The following MAGI2 variants were observed in gnomAD, a reference collection of about 807,000 sequenced individuals.
The protein encoded by MAGI2 is membrane associated guanylate kinase, WW and PDZ domain containing 2.
MAGI2 carries 35 observed loss-of-function variants against 133.3 expected under a neutral mutation model. The ratio of observed to expected loss-of-function variants is 0.26; its 90% CI spans 0.20 to 0.35. The LOEUF is 0.35. MAGI2 is among the 10% of genes least tolerant of loss of function. MAGI2 has a pLI of 1.00. For synonymous variants in MAGI2, 729 were observed against 710.6 expected (o/e 1.03, Z -0.41); for missense variants, 1,636 against 1,863.4 (o/e 0.88, Z 2.25).
At chr7:78,036,504 A>G (rs1359097693) in intron 21 of MAGI2, among the ~76,000 whole-genome samples, 1 of 152,238 alleles carries the variant, frequency 6.6e-6, no homozygotes, top group East Asian at 1.9e-4. Context: ...AAGTTTCATA[A>G]CAAACCTAAG....
At position 78,396,526 on chromosome 7, in the gene MAGI2, C is replaced by T. The variant is rs1796360354; in HGVS notation, c.1046-27313G>A. ...CAAATCTCCTTTCACATATCACATG[C>T]TTACCTTGCCTTCACCATGCTATCT... is the stretch of plus-strand genomic sequence containing the variant. On this transcript the variant is annotated intron_variant, in intron 6 of 21. Transcript: ENST00000354212. Among the ~76,000 whole-genome samples, 3 of 152,206 alleles carry T rather than the reference C, an allele frequency of 2.0e-5. No individual in the cohort carries two copies. In the South Asian group the frequency reaches 6.2e-4, roughly 32 times the overall value.
intron 3 of MAGI2, among the ~76,000 whole-genome samples, chr7:78,534,290 A>G (rs1797704538): frequency 6.6e-6 from 1 of 152,254 alleles, no homozygotes; most frequent in Non-Finnish European, 1.5e-5. Flanking sequence ...TTGAATACCC[A>G]GCCTTTCTCC....
chr7:79,038,995 C>T (rs909176191), intron 1 of MAGI2, among the ~76,000 whole-genome samples: 2 of 152,148 alleles, frequency 1.3e-5, no homozygotes, highest in African/African-American at 4.8e-5. Context: ...ACATAAATTG[C>T]TTTTCAATAT....
chr7:79,129,665 A>G (rs780761375), intron 1 of MAGI2, among the ~76,000 whole-genome samples: 4 of 151,012 alleles, frequency 2.6e-5, no homozygotes, highest in Non-Finnish European at 5.9e-5. Context: ...CGATGCTTGC[A>G]GAAAATAAGT....
chr7:78,170,562 T>G (rs927842291), intron 14 of MAGI2: 8 of 152,298 alleles, frequency 5.3e-5, no homozygotes, highest in African/African-American at 1.9e-4. Flanking sequence ...TCCATTCTAG[T>G]GGTCAGACAA....
intron 6 of MAGI2, among the ~76,000 whole-genome samples, chr7:78,410,459 T>C (rs1337068592): frequency 6.6e-6 from 1 of 152,038 alleles, no homozygotes; most frequent in Non-Finnish European, 1.5e-5. Flanking sequence ...TCAATCATCT[T>C]TGTTTCCATG....
At chr7:78,281,942 A>G (rs981230648) in intron 9 of MAGI2, among the ~76,000 whole-genome samples, 3 of 151,542 alleles carry the variant, frequency 2.0e-5, no homozygotes, top group Non-Finnish European at 4.4e-5. Flanking sequence ...TCTCCCATTC[A>G]CTTTCATTTC....
intron 1 of MAGI2, among the ~76,000 whole-genome samples, chr7:79,146,691 T>C (rs1407120907): frequency 6.6e-6 from 1 of 152,196 alleles, no homozygotes; most frequent in African/African-American, 2.4e-5. Flanking sequence ...GTGACTTTGC[T>C]CCTCATTCAC....
intron 1 of MAGI2, among the ~76,000 whole-genome samples, chr7:79,071,030 G>A (rs1026360706): frequency 1.3e-5 from 2 of 152,114 alleles, no homozygotes; most frequent in Non-Finnish European, 2.9e-5. Flanking sequence ...AGGCGTTCTG[G>A]TTTTTGGAGT....
At chr7:78,962,837 A>AGC (rs1802963003) in intron 2 of MAGI2, among the ~76,000 whole-genome samples, 1 of 67,812 alleles carries the variant, frequency 1.5e-5, no homozygotes, top group Non-Finnish European at 2.9e-5. Context: ...TATCAAATTA[A>AGC]ACTCTTTTAA....
At chr7:78,578,526 G>C (rs1802504010) in intron 3 of MAGI2, among the ~76,000 whole-genome samples, 1 of 152,140 alleles carries the variant, frequency 6.6e-6, no homozygotes, top group South Asian at 2.1e-4. Context: ...AGGAAGAACT[G>C]AGGAGTGAGA....
intron 1 of MAGI2, among the ~76,000 whole-genome samples, chr7:79,345,706 CTT>C (rs941062620): frequency 2.0e-5 from 3 of 151,094 alleles, no homozygotes; most frequent in Admixed American, 6.6e-5. Context: ...TTAAAATAAA[CTT>C]TGTTAAAAAT....
intron 21 of MAGI2, among the ~76,000 whole-genome samples, chr7:78,072,094 A>G (rs1309520967): frequency 6.6e-6 from 1 of 152,176 alleles, no homozygotes; most frequent in Non-Finnish European, 1.5e-5. Flanking sequence ...GGAAGAGTGA[A>G]TTTGATAGAT....
In MAGI2 at chr7:78,627,250, A is replaced by T. The variant is rs1177880571; in HGVS notation, c.419-11T>A. 6.6e-7 allele frequency: 1 copy of T among 1,525,066 alleles called. No homozygotes were observed. Among genetic ancestry groups the T allele is most frequent in the Admixed American group, 2.3e-5 (1 of 44,232 alleles). 94.5% of individuals were successfully genotyped at this position (1,525,066 alleles called of 1,614,324 possible). A position where few individuals can be genotyped will look rare whatever the true frequency, so the allele number is the denominator to read the frequency against. On this transcript the variant is annotated splice_polypyrimidine_tract_variant and intron_variant, in intron 2 of 21. Coordinates refer to ENST00000354212, the MANE Select transcript of MAGI2 (RefSeq NM_012301.4). ...GTGGCCTTGTGGTGCCTGAATAAAG[A>T]AAAGTAAAAACAAAAGAAAGACGCT...
intron 2 of MAGI2, among the ~76,000 whole-genome samples, chr7:78,984,040 G>A (rs1562750618): frequency 6.6e-6 from 1 of 151,938 alleles, no homozygotes; most frequent in Non-Finnish European, 1.5e-5. Context: ...TGTTTCTCTT[G>A]TAGACTTTGC....
At chr7:78,637,767 A>G (rs372400803) in intron 2 of MAGI2, among the ~76,000 whole-genome samples, 1 of 152,288 alleles carries the variant, frequency 6.6e-6, no homozygotes, top group Non-Finnish European at 1.5e-5. Flanking sequence ...TGGTGTAAAC[A>G]CTAGAGTAAA....
At chr7:79,315,563 G>C (rs574379799) in intron 1 of MAGI2, among the ~76,000 whole-genome samples, 1 of 151,930 alleles carries the variant, frequency 6.6e-6, no homozygotes, top group Admixed American at 6.6e-5. Context: ...GTAAAATTTG[G>C]ATGCATGTTT....
At chr7:78,108,622 T>TTC (rs879731462) in intron 20 of MAGI2, among the ~76,000 whole-genome samples, 58 of 136,752 alleles carry the variant, frequency 4.2e-4, no homozygotes, top group African/African-American at 1.2e-3. Flanking sequence ...CTCTCTCTCA[T>TTC]TCTCTCTCTC....
chr7:78,416,754 G>T (rs1341159617), intron 6 of MAGI2, among the ~76,000 whole-genome samples: 7 of 152,070 alleles, frequency 4.6e-5, no homozygotes, highest in Non-Finnish European at 1.0e-4. Context: ...TATAAAAGAG[G>T]CTTTGTAGAG....
Sources: allele counts gnomAD v4.1 joint callset (sites outside exome capture counted in the v4.1 genomes callset), GRCh38; gene constraint gnomAD v4.1.1; transcripts MANE v1.5; gene names NCBI Gene and HGNC (gene_info 2026-07-23, HGNC 2026-07-21).